The following APC2 variants were observed in gnomAD, a reference collection of about 807,000 sequenced individuals.
APC2 encodes the protein adenomatous polyposis coli protein 2.
A neutral mutation model predicts 72.5 loss-of-function variants in APC2; 41 were observed. That is an observed-to-expected ratio of 0.57 (90% CI 0.44 to 0.73). The LOEUF (loss-of-function observed/expected upper bound fraction) is 0.73. Among genes scored for constraint, APC2 ranks in the 30% least tolerant of loss-of-function variants. The probability of loss-of-function intolerance (pLI) is 0.00; values close to 1 mark genes in which losing one functional copy is unlikely to be tolerated. For missense variants in APC2, 3,729 were observed against 3,403.4 expected, an observed-to-expected ratio of 1.10 and a Z score of -2.38; for synonymous variants, 1,898 against 1,612.0, an observed-to-expected ratio of 1.18 and a Z score of -4.25.
At chr19:1,461,657 C>A (rs1269257709) in intron 13 of APC2, 1 of 384,140 alleles carries the variant, frequency 2.6e-6, no homozygotes, top group Non-Finnish European at 4.7e-6. Context: ...TCGAGACCAT[C>A]CTGGCTAACA....
At chr19:1,447,154 C>T (rs2083695200), upstream of APC2, among the ~76,000 whole-genome samples, 1 of 152,212 alleles carries the variant, frequency 6.6e-6, no homozygotes. Flanking sequence ...CGGTGGCCTC[C>T]TCACCGGTCA....
At chr19:1,461,191 C>T (rs758422258) in intron 13 of APC2, 38 bp downstream of exon 13, 2 of 1,553,420 alleles carry the variant, frequency 1.3e-6, no homozygotes, top group East Asian at 4.5e-5. Flanking sequence ...CTTCTTCAGT[C>T]ACTGGAAGGA....
Position 1,469,525 on chromosome 19 carries a change from G to A in APC2, c.6224G>A (p.Arg2075His), listed in dbSNP as rs1334045025. ...RPSPGERPAR[R>H]TTSESPSRLP... ...AGCCCTGGCGAGCGCCCTGCCCGGCGCACCACCTCCGAGAGCCCGTCCCGC... is the reference window on the plus strand; with the variant it reads ...AGCCCTGGCGAGCGCCCTGCCCGGCACACCACCTCCGAGAGCCCGTCCCGC... The change falls in exon 15 of 15, where the codon CGC becomes CAC. Residue 2075 changes from arginine (R) to histidine (H), a missense_variant. Arg to His is a conservative substitution (Grantham distance 29). Coordinates refer to ENST00000590469, the MANE Select transcript of APC2 (RefSeq NM_005883.3). 3.4e-6 allele frequency: 4 copies of A among 1,171,870 alleles called. No homozygotes were observed. Among genetic ancestry groups the A allele is most frequent in the Non-Finnish European group, 3.2e-6 (3 of 940,866 alleles). 72.6% of individuals were successfully genotyped at this position (1,171,870 alleles called of 1,614,324 possible). A position where few individuals can be genotyped will look rare whatever the true frequency, so the allele number is the denominator to read the frequency against.
At position 1,458,011 on chromosome 19, in the gene APC2, T is replaced by G; in HGVS notation, c.1254T>G (p.Val418=). ...EPQICQATCA[V]MKLSFDEEYR... Reference sequence around the variant, plus strand: ...AGATCTGCCAGGCCACCTGTGCTGTTATGAAGCTGTCCTTTGATGAGGAGT... The same window carrying G: ...AGATCTGCCAGGCCACCTGTGCTGTGATGAAGCTGTCCTTTGATGAGGAGT... Residue 418 remains valine (V), a synonymous_variant, in exon 10 of 15, where the codon GTT becomes GTG. Coordinates refer to ENST00000590469, the MANE Select transcript of APC2 (RefSeq NM_005883.3). The G allele has an allele frequency of 1.9e-6, 3 of 1,567,714 alleles. No homozygotes were observed.
In APC2 at chr19:1,469,844, C is replaced by A. The variant is rs2084102619; in HGVS notation, c.6543C>A (p.Pro2181=). Residue 2181 remains proline (P), a synonymous_variant, in exon 15 of 15, where the codon CCC becomes CCA. Coordinates refer to ENST00000590469, the MANE Select transcript of APC2 (RefSeq NM_005883.3). ...GSTPEDAPAG[P]PPRKTSDAVV... ...CGCCCGAGGACGCCCCGGCCGGGCCCCCGCCGCGCAAGACCAGCGACGCCG... is the reference window on the plus strand; with the variant it reads ...CGCCCGAGGACGCCCCGGCCGGGCCACCGCCGCGCAAGACCAGCGACGCCG... 2.6e-6 allele frequency: 4 copies of A among 1,520,738 alleles called. No individual in the cohort carries two copies. The highest frequency in any genetic ancestry group is 3.5e-6 in the Non-Finnish European group (4 of 1,141,240). 94.2% of individuals were successfully genotyped at this position (1,520,738 alleles called of 1,614,324 possible). A position where few individuals can be genotyped will look rare whatever the true frequency, so the allele number is the denominator to read the frequency against.
intron 11 of APC2, 134 bp downstream of exon 11, chr19:1,460,454 G>A: frequency 7.2e-7 from 1 of 1,390,370 alleles, no homozygotes; most frequent in Non-Finnish European, 9.9e-7. Flanking sequence ...CAGACGGGTA[G>A]ACTGAGGCCC....
Position 1,466,650 on chromosome 19 carries a change from C to G in APC2, c.3349C>G (p.Pro1117Ala). 1 of 1,494,228 alleles carries G rather than the reference C, an allele frequency of 6.7e-7. No individual in the cohort carries two copies. Among genetic ancestry groups the G allele is most frequent in the Non-Finnish European group, 8.9e-7 (1 of 1,122,892 alleles). 92.6% of individuals were successfully genotyped at this position (1,494,228 alleles called of 1,614,324 possible). Residue 1117 changes from proline to alanine, a missense_variant, in exon 15 of 15, where the codon CCC (proline) becomes GCC (alanine). Physicochemically the swap from Pro to Ala is conservative, Grantham distance 27. Transcript: ENST00000590469. ...TGAGCTGGACAGCACGTGGCGGGCG[C>G]CCGGGGCCACCTCGCTGCCCGTAGC... ...EAELDSTWRA[P>A]GATSLPVAIP...
upstream of APC2, among the ~76,000 whole-genome samples, chr19:1,446,819 C>G (rs1173911790): frequency 3.9e-5 from 6 of 152,170 alleles, no homozygotes; most frequent in African/African-American, 1.2e-4. The surrounding 1 kb of genome is among the most constrained non-coding windows in gnomAD (Gnocchi z 6.1). Flanking sequence ...TTCGCCGCCG[C>G]TGCTGTTCGT....
chr19:1,468,183 C>T lies in APC2; in HGVS notation c.4882C>T (p.Leu1628Phe), dbSNP rs1240420794. 4 of 1,457,154 alleles carry T rather than the reference C, an allele frequency of 2.7e-6. No homozygotes were observed. Among genetic ancestry groups the T allele is most frequent in the Non-Finnish European group, 3.6e-6 (4 of 1,113,970 alleles). The allele number at this position is 1,457,154 out of a possible 1,614,324, so 90.3% of individuals were successfully genotyped here. Reference protein sequence around the residue: ...SSPSPRAAEELLQRCISSALP... With the variant: ...SSPSPRAAEEFLQRCISSALP... ...GCCCAGCCCGCGGGCCGCGGAGGAG[C>T]TTCTGCAGCGGTGCATCAGCTCGGC... is the stretch of plus-strand genomic sequence containing the variant. Residue 1628 changes from leucine (L) to phenylalanine (F), a missense_variant, in exon 15 of 15, where the codon CTT (leucine) becomes TTT (phenylalanine). Physicochemically the swap from Leu to Phe is conservative, Grantham distance 22. Coordinates refer to ENST00000590469, the MANE Select transcript of APC2 (RefSeq NM_005883.3).
rs1431229334 is a variant in APC2, at chr19:1,470,747, T to G, written c.*534T>G. 1 of 152,562 alleles carries G rather than the reference T, an allele frequency of 6.6e-6. No individual in the cohort carries two copies. The highest frequency in any genetic ancestry group is 1.5e-5 in the Non-Finnish European group (1 of 68,334). 9.5% of individuals were successfully genotyped at this position (152,562 alleles called of 1,614,324 possible). A position where few individuals can be genotyped will look rare whatever the true frequency, so the allele number is the denominator to read the frequency against. ...GCCGGTAATTCGCTAATGAGGGCTT[T>G]GCAGGGATTGTTTTCATTCTCAGCC... On this transcript the variant is annotated 3_prime_UTR_variant, in exon 15 of 15. Coordinates refer to ENST00000590469, the MANE Select transcript of APC2 (RefSeq NM_005883.3).
At chr19:1,460,677 G>C in intron 11 of APC2, 103 bp from the exon 12 acceptor site, 1 of 1,208,956 alleles carries the variant, frequency 8.3e-7, no homozygotes, top group Non-Finnish European at 1.2e-6. Flanking sequence ...GATCAGCAGG[G>C]GTCTGAGTTT....
chr19:1,452,473 G>C lies in APC2; in HGVS notation c.-18-511G>C, dbSNP rs138183595. 6.1e-6 allele frequency: 1 copy of C among 164,448 alleles called. No individual in the cohort carries two copies. Among genetic ancestry groups the C allele is most frequent in the Non-Finnish European group, 1.3e-5 (1 of 75,584 alleles). The allele number at this position is 164,448 out of a possible 1,614,324, so 10.2% of individuals were successfully genotyped here. A position where few individuals can be genotyped will look rare whatever the true frequency, so the allele number is the denominator to read the frequency against. The stretch of plus-strand genomic sequence containing the variant: ...TCATTGTCCATCGGCAGGGACAGCT[G>C]GTGGTCTGTCCGCCCCGCGTGTCTG... On this transcript the variant is annotated intron_variant, in intron 1 of 14. Coordinates refer to ENST00000590469, the MANE Select transcript of APC2 (RefSeq NM_005883.3). The surrounding 1 kb of genome is among the most constrained non-coding windows in gnomAD (Gnocchi z 5.1).
chr19:1,449,630 GC>G (rs1210621814), upstream of APC2, among the ~76,000 whole-genome samples: 1 of 152,030 alleles, frequency 6.6e-6, no homozygotes, highest in Non-Finnish European at 1.5e-5. Context: ...CAGTGGCCCT[GC>G]CCCTCCTCCC....
Position 1,465,427 on chromosome 19 carries a change from T to G in APC2, c.2126T>G (p.Val709Gly). The change falls in exon 15 of 15, where the codon GTG (valine) becomes GGG (glycine). Residue 709 changes from valine to glycine, a missense_variant. By Grantham distance (109) the Val-to-Gly change is moderately radical. Transcript: ENST00000590469. ...AAGCACCAGGCGGCCGCCACCGCCG[T>G]GTCCCCAGGCAGCTGCGTGCCCAGC... ...PAKHQAAATAVSPGSCVPSLY... is the reference protein window; with the variant it reads ...PAKHQAAATAGSPGSCVPSLY... 1 of 1,544,622 alleles carries G rather than the reference T, an allele frequency of 6.5e-7. No individual in the cohort carries two copies. Among genetic ancestry groups the G allele is most frequent in the Non-Finnish European group, 8.7e-7 (1 of 1,152,130 alleles).
At chr19:1,456,615 G>A (rs1330928392) in intron 8 of APC2, among the ~76,000 whole-genome samples, 4 of 152,270 alleles carry the variant, frequency 2.6e-5, no homozygotes, top group Admixed American at 6.5e-5. Flanking sequence ...GCTAAGTGGG[G>A]CACCATAGAC....
intron 9 of APC2, 29 bp downstream of exon 9, chr19:1,457,272 C>G (rs929793863): frequency 6.7e-7 from 1 of 1,490,152 alleles, no homozygotes; most frequent in Admixed American, 2.4e-5. Flanking sequence ...GGGCCCCCTC[C>G]GCGCAATTAA....
intron 14 of APC2, among the ~76,000 whole-genome samples, chr19:1,463,242 C>A (rs2083955202): frequency 2.0e-5 from 3 of 151,786 alleles, no homozygotes; most frequent in Admixed American, 1.3e-4. Flanking sequence ...CATGGTGAAC[C>A]CCGTCTCTAC....
chr19:1,464,853 G>A (rs562769509), intron 14 of APC2, among the ~76,000 whole-genome samples: 1 of 150,692 alleles, frequency 6.6e-6, no homozygotes, highest in East Asian at 1.9e-4. Context: ...GGATGGTCTC[G>A]ATCTCCTGAC....
rs747823483 is a variant in APC2 at position 1,457,009 on chromosome 19, G to C, written c.973G>C (p.Glu325Gln). ...PLLLQILHGT[E>Q]AAAGGRAGAP... ...GCTGCTGCAAATCCTCCACGGCACC[G>C]AGGCCGCGGCCGGGGGTCGCGCCGG... Residue 325 changes from glutamate to glutamine, a missense_variant, in exon 9 of 15, where the codon GAG (glutamate) becomes CAG (glutamine). By Grantham distance (29) the Glu-to-Gln change is conservative. Coordinates refer to ENST00000590469, the MANE Select transcript of APC2 (RefSeq NM_005883.3). 3 of 1,529,514 alleles carry C rather than the reference G, an allele frequency of 2.0e-6. No individual in the cohort carries two copies. Among genetic ancestry groups the C allele is most frequent in the East Asian group, 2.5e-5 (1 of 39,752 alleles). The allele number at this position is 1,529,514 out of a possible 1,614,324, so 94.7% of individuals were successfully genotyped here.
Sources: gnomAD v4.1 joint callset for allele counts (sites outside exome capture counted in the v4.1 genomes callset) on GRCh38, gnomAD v4.1.1 for gene constraint, Gnocchi (gnomAD v3.1) non-coding constraint, MANE v1.5 for transcripts, NCBI Gene and HGNC (gene_info 2026-07-23, HGNC 2026-07-21) for gene names.